Variants in CLIC4 observed in about 807,000 individuals in gnomAD.
CLIC4 encodes the protein CLIC family member 4, also known as chloride intracellular channel protein 4.
Under a neutral mutation model 24.6 loss-of-function variants are expected in CLIC4, and 13 were observed. The observed-to-expected ratio is 0.53, with a 90% CI of 0.34 to 0.84. CLIC4 has a LOEUF of 0.84. CLIC4 is among the 40% of genes least tolerant of loss of function. CLIC4 has a pLI of 0.01. For missense variants in CLIC4, 227 were observed against 301.7 expected (o/e 0.75, Z 1.83); for synonymous variants, 104 against 111.3 (o/e 0.93, Z 0.41).
At chr1:24,794,095 T>C (rs1345432525) in intron 1 of CLIC4, among the ~76,000 whole-genome samples, 1 of 152,208 alleles carries the variant, frequency 6.6e-6, no homozygotes, top group African/African-American at 2.4e-5. Context: ...CTTTCCTTTT[T>C]AAACTTGGGG....
chr1:24,796,961 T>A (rs1043011597), intron 1 of CLIC4, among the ~76,000 whole-genome samples: 12 of 142,958 alleles, frequency 8.4e-5, no homozygotes, highest in East Asian at 2.0e-4. Flanking sequence ...TATTTATTTA[T>A]TTTTTTTTTT....
chr1:24,835,078 A>G (rs1281634927), intron 4 of CLIC4, among the ~76,000 whole-genome samples: 1 of 152,154 alleles, frequency 6.6e-6, no homozygotes, highest in African/African-American at 2.4e-5. Context: ...GAGCTCTGCT[A>G]ATGTCTCAAC....
intron 4 of CLIC4, among the ~76,000 whole-genome samples, chr1:24,837,852 G>A (rs981242973): frequency 2.0e-5 from 3 of 152,120 alleles, no homozygotes; most frequent in Non-Finnish European, 2.9e-5. Flanking sequence ...GGTCTTCTCC[G>A]CAGACTATTC....
chr1:24,775,139 C>T (rs1225069308), intron 1 of CLIC4, among the ~76,000 whole-genome samples: 3 of 149,776 alleles, frequency 2.0e-5, no homozygotes, highest in Non-Finnish European at 4.4e-5. Flanking sequence ...ATTCAACAGT[C>T]ATTCAAATTA....
rs147652418 is a variant in CLIC4 at position 24,751,027 on chromosome 1, G to A, written c.72+5402G>A. Among the ~76,000 whole-genome samples, 1,311 of 152,066 alleles carry A rather than the reference G, an allele frequency of 8.6e-3. 11 individuals carry two copies. Among genetic ancestry groups the A allele is most frequent in the Non-Finnish European group, 0.015 (1,006 of 67,998 alleles). On this transcript the variant is annotated intron_variant, in intron 1 of 5. Coordinates refer to ENST00000374379, the MANE Select transcript of CLIC4 (RefSeq NM_013943.3). ...TTCTTTCAGAGAATTCTGTTGTTGA[G>A]CATTTTGTTGTCAATGTATGTCTCT...
chr1:24,806,428 C>G (rs1018238277), intron 2 of CLIC4, among the ~76,000 whole-genome samples: 9 of 152,158 alleles, frequency 5.9e-5, no homozygotes, highest in Non-Finnish European at 1.3e-4. Context: ...TTCTCAGATT[C>G]TTCATTTGGA....
chr1:24,828,921 G>C (rs1291424443), intron 4 of CLIC4, among the ~76,000 whole-genome samples: 1 of 152,114 alleles, frequency 6.6e-6, no homozygotes, highest in African/African-American at 2.4e-5. Flanking sequence ...CAGTTGCCAA[G>C]CAACTTCTCT....
intron 1 of CLIC4, among the ~76,000 whole-genome samples, chr1:24,758,609 A>T (rs1638882420): frequency 6.6e-6 from 1 of 151,870 alleles, no homozygotes; most frequent in Non-Finnish European, 1.5e-5. Flanking sequence ...GACACGTACC[A>T]CCATGCCTGG....
At chr1:24,798,991 G>A (rs1247243464) in intron 2 of CLIC4, among the ~76,000 whole-genome samples, 10 of 152,174 alleles carry the variant, frequency 6.6e-5, no homozygotes, top group African/African-American at 2.4e-4. Context: ...ATCTCGGCTC[G>A]CTGCAACCTC....
At chr1:24,799,704 G>GC (rs1639456303) in intron 2 of CLIC4, among the ~76,000 whole-genome samples, 1 of 137,450 alleles carries the variant, frequency 7.3e-6, no homozygotes, top group Admixed American at 7.0e-5. Flanking sequence ...GAGGTGGGGG[G>GC]GTCAGCCCCC....
intron 3 of CLIC4, among the ~76,000 whole-genome samples, chr1:24,816,234 G>GTTTTTT (rs71752506): frequency 1.8e-4 from 11 of 62,132 alleles, no homozygotes; most frequent in East Asian, 6.4e-4. Context: ...GAATGTTCGT[G>GTTTTTT]TTTTTTTTTT....
At chr1:24,797,183 A>G (rs959740819) in intron 1 of CLIC4, among the ~76,000 whole-genome samples, 2 of 151,260 alleles carry the variant, frequency 1.3e-5, no homozygotes, top group Non-Finnish European at 1.5e-5. Context: ...CAAACTCCTG[A>G]CCGTGTGATC....
At chr1:24,799,634 T>G (rs1639454270) in intron 2 of CLIC4, among the ~76,000 whole-genome samples, 2 of 126,492 alleles carry the variant, frequency 1.6e-5, no homozygotes, top group Admixed American at 7.5e-5. Context: ...AGCCGCCCCG[T>G]CGGGGAGGGA....
chr1:24,835,862 CAG>C (rs760823291), intron 4 of CLIC4, among the ~76,000 whole-genome samples: 16 of 152,008 alleles, frequency 1.1e-4, no homozygotes, highest in Non-Finnish European at 2.2e-4. Flanking sequence ...AGATTTGAAC[CAG>C]AGTTTTTAGT....
rs554887231 is a variant in CLIC4 at position 24,839,776 on chromosome 1, T to C, written c.416-84T>C. On this transcript the variant is annotated intron_variant, in intron 4 of 5. Coordinates refer to ENST00000374379, the MANE Select transcript of CLIC4 (RefSeq NM_013943.3). ...CAGAGTAAACATTTTTAAACAGTTATTGACTCAAAGAGTCTGCTTCTCCTT... is the reference window on the plus strand; with the variant it reads ...CAGAGTAAACATTTTTAAACAGTTACTGACTCAAAGAGTCTGCTTCTCCTT... 44 of 1,192,058 alleles carry C rather than the reference T, an allele frequency of 3.7e-5. No homozygotes were observed. In the African/African-American group the frequency reaches 5.2e-4, roughly 14 times the overall value. The allele number at this position is 1,192,058 out of a possible 1,614,324, so 73.8% of individuals were successfully genotyped here.
chr1:24,753,312 C>T (rs1557793381), intron 1 of CLIC4, among the ~76,000 whole-genome samples: 1 of 152,118 alleles, frequency 6.6e-6, no homozygotes, highest in Non-Finnish European at 1.5e-5. Flanking sequence ...AGTGCTAATA[C>T]TGAGTTAAGT....
chr1:24,786,274 T>C (rs1241337150), intron 1 of CLIC4, among the ~76,000 whole-genome samples: 4 of 152,234 alleles, frequency 2.6e-5, no homozygotes, highest in Non-Finnish European at 5.9e-5. Context: ...TTCTAAAGAC[T>C]GATTAAACTA....
At chr1:24,761,002 A>G (rs1164132712) in intron 1 of CLIC4, among the ~76,000 whole-genome samples, 3 of 152,170 alleles carry the variant, frequency 2.0e-5, no homozygotes, top group Non-Finnish European at 4.4e-5. Context: ...GGCTTGGAAT[A>G]AGGTGGGAAG....
At chr1:24,802,711 C>CTTTT (rs535381018) in intron 2 of CLIC4, among the ~76,000 whole-genome samples, 49 of 136,940 alleles carry the variant, frequency 3.6e-4, no homozygotes, top group African/African-American at 1.2e-3. Flanking sequence ...TTTTCTTTTT[C>CTTTT]TTTTTTTTTT....
Sources: allele counts gnomAD v4.1 joint callset (sites outside exome capture counted in the v4.1 genomes callset), GRCh38; gene constraint gnomAD v4.1.1; transcripts MANE v1.5; gene names NCBI Gene and HGNC (gene_info 2026-07-23, HGNC 2026-07-21).